Variants in NDST4 observed in about 807,000 individuals in gnomAD.
NDST4 encodes the protein N-heparan sulfate sulfotransferase 4.
A neutral mutation model predicts 100.8 loss-of-function variants in NDST4; 63 were observed. That is an observed-to-expected ratio of 0.62 (90% CI 0.51 to 0.77). NDST4 has a LOEUF of 0.77. Ranked by LOEUF, NDST4 falls within the 30% of genes least tolerant of loss-of-function variation. The pLI is 0.00. For missense variants in NDST4, 943 were observed against 1,018.4 expected (o/e 0.93, Z 1.01); for synonymous variants, 377 against 361.8 (o/e 1.04, Z -0.48).
At chr4:115,044,853 T>G (rs1728431637) in intron 2 of NDST4, among the ~76,000 whole-genome samples, 1 of 151,362 alleles carries the variant, frequency 6.6e-6, no homozygotes, top group South Asian at 2.1e-4. Context: ...GAAAAGATGT[T>G]TAAACCAATT....
intron 2 of NDST4, among the ~76,000 whole-genome samples, chr4:114,995,687 G>A (rs539520070): frequency 6.6e-6 from 1 of 152,044 alleles, no homozygotes; most frequent in Non-Finnish European, 1.5e-5. Context: ...GAATGCTTCT[G>A]TTTTTATTTG....
intron 2 of NDST4, among the ~76,000 whole-genome samples, chr4:114,980,564 C>T (rs946763737): frequency 2.0e-5 from 3 of 152,150 alleles, no homozygotes; most frequent in Non-Finnish European, 2.9e-5. Context: ...ATCACTTAAA[C>T]CTGGGAGGTG....
At chr4:114,869,880 A>G (rs1474086834) in intron 7 of NDST4, among the ~76,000 whole-genome samples, 1 of 152,146 alleles carries the variant, frequency 6.6e-6, no homozygotes, top group Non-Finnish European at 1.5e-5. Context: ...GACAATGTAG[A>G]CAGAGTGGCA....
intron 6 of NDST4, among the ~76,000 whole-genome samples, chr4:114,925,016 G>A (rs1015340026): frequency 6.6e-6 from 1 of 151,924 alleles, no homozygotes; most frequent in African/African-American, 2.4e-5. Context: ...AATCCTCCTG[G>A]AACACATGTA....
rs374331319 is a variant in NDST4, at chr4:114,937,500, G to A, written c.1225C>T (p.His409Tyr). The change falls in exon 5 of 14, where the codon CAT (histidine) becomes TAT (tyrosine). Residue 409 changes from histidine to tyrosine, a missense_variant. Physicochemically the swap from His to Tyr is moderately conservative, Grantham distance 83. This residue lies in a region of NDST4 where 526 missense variants were observed against 634.1 expected (regional missense o/e 0.83). Transcript: ENST00000264363. ...MILNKEFALE[H>Y]GIPINMGYAV... Reference sequence around the variant, plus strand: ...TAGCCCATGTTGATTGGTATTCCATGTTCCTAAAACAAAGCCAGAACAACA... The same window carrying A: ...TAGCCCATGTTGATTGGTATTCCATATTCCTAAAACAAAGCCAGAACAACA... 7.1e-5 allele frequency: 110 copies of A among 1,553,856 alleles called. No homozygotes were observed. Among genetic ancestry groups the A allele is most frequent in the Non-Finnish European group, 8.8e-5 (101 of 1,151,876 alleles).
At chr4:115,096,575 T>C (rs549090646) in intron 1 of NDST4, among the ~76,000 whole-genome samples, 7 of 152,190 alleles carry the variant, frequency 4.6e-5, no homozygotes, top group East Asian at 3.9e-4. Context: ...TTATCCATTC[T>C]AGCTAAGGAC....
At chr4:114,843,334 G>A (rs1723472529) in intron 10 of NDST4, among the ~76,000 whole-genome samples, 1 of 152,084 alleles carries the variant, frequency 6.6e-6, no homozygotes, top group Admixed American at 6.6e-5. Context: ...ATTCTTTCCT[G>A]TATCTCCGCG....
At chr4:115,067,618 C>G (rs1041684510) in intron 2 of NDST4, among the ~76,000 whole-genome samples, 8 of 151,506 alleles carry the variant, frequency 5.3e-5, no homozygotes, top group African/African-American at 1.9e-4. Flanking sequence ...AACAACCTGT[C>G]TCCTGTTTAA....
At chr4:114,893,410 T>C (rs1261950486) in intron 6 of NDST4, among the ~76,000 whole-genome samples, 2 of 152,176 alleles carry the variant, frequency 1.3e-5, no homozygotes, top group African/African-American at 2.4e-5. Flanking sequence ...GTGTCTATTG[T>C]TTCCTGACTT....
At chr4:114,865,696 A>AT (rs11396814) in intron 7 of NDST4, among the ~76,000 whole-genome samples, 24,733 of 151,984 alleles carry the variant, frequency 0.16, 3,243 homozygotes, top group African/African-American at 0.37. Context: ...TCTGCAAGTA[A>AT]TTTTTTTTAT....
intron 4 of NDST4, among the ~76,000 whole-genome samples, chr4:114,962,308 A>G (rs1407746503): frequency 8.0e-6 from 1 of 125,244 alleles, no homozygotes. Context: ...TACAGTCAGG[A>G]CAATTAGACA....
At chr4:114,834,559 G>A (rs1181279228) in intron 11 of NDST4, among the ~76,000 whole-genome samples, 2 of 151,408 alleles carry the variant, frequency 1.3e-5, no homozygotes, top group East Asian at 1.9e-4. Flanking sequence ...AAGGTCAATG[G>A]TAAGGCCCAG....
At chr4:115,059,431 T>C (rs1728771384) in intron 2 of NDST4, among the ~76,000 whole-genome samples, 1 of 152,008 alleles carries the variant, frequency 6.6e-6, no homozygotes, top group African/African-American at 2.4e-5. Flanking sequence ...TGACTATCCT[T>C]GGATGTAATA....
At chr4:114,904,151 CT>C (rs1724902597) in intron 6 of NDST4, among the ~76,000 whole-genome samples, 1 of 151,920 alleles carries the variant, frequency 6.6e-6, no homozygotes, top group Non-Finnish European at 1.5e-5. Context: ...AAGTGCTATC[CT>C]TTTCCATATT....
At chr4:115,054,801 G>A (rs1249887853) in intron 2 of NDST4, among the ~76,000 whole-genome samples, 1 of 152,088 alleles carries the variant, frequency 6.6e-6, no homozygotes, top group Admixed American at 6.6e-5. Context: ...TTAGCTCCTT[G>A]TTTCCTGATG....
intron 10 of NDST4, among the ~76,000 whole-genome samples, chr4:114,843,336 A>G (rs1411772261): frequency 1.3e-5 from 2 of 152,064 alleles, no homozygotes; most frequent in Admixed American, 1.3e-4. Context: ...TCTTTCCTGT[A>G]TCTCCGCGGA....
At chr4:114,895,417 C>T (rs1189916238) in intron 6 of NDST4, among the ~76,000 whole-genome samples, 6 of 152,114 alleles carry the variant, frequency 3.9e-5, no homozygotes, top group Non-Finnish European at 7.4e-5. Context: ...GGCATACACC[C>T]TACCAAGACT....
intron 12 of NDST4, among the ~76,000 whole-genome samples, chr4:114,832,728 C>T (rs2059469610): frequency 6.6e-6 from 1 of 152,104 alleles, no homozygotes; most frequent in Admixed American, 6.5e-5. Flanking sequence ...CTAAGTTATA[C>T]TGTGTGACTG....
intron 2 of NDST4, among the ~76,000 whole-genome samples, chr4:115,074,617 T>A (rs1729143466): frequency 6.6e-6 from 1 of 152,122 alleles, no homozygotes; most frequent in Admixed American, 6.5e-5. Context: ...AGTCAAGCAG[T>A]GCTTCATAGG....
Sources: gnomAD v4.1 joint callset for allele counts (sites outside exome capture counted in the v4.1 genomes callset) on GRCh38, gnomAD v4.1.1 for gene constraint, gnomAD v4.1.1 regional missense constraint, MANE v1.5 for transcripts, NCBI Gene and HGNC (gene_info 2026-07-23, HGNC 2026-07-21) for gene names.